MYT1L: variants seen among roughly 807,000 people sequenced by gnomAD.
MYT1L encodes myelin transcription factor 1 like, also known as myelin transcription factor 1-like protein.
MYT1L carries 12 observed loss-of-function variants against 126.7 expected under a neutral mutation model. The ratio of observed to expected loss-of-function variants is 0.09; its 90% CI spans 0.06 to 0.15. MYT1L has a LOEUF of 0.15. Among genes scored for constraint, MYT1L ranks in the 10% least tolerant of loss-of-function variants. The pLI, the probability that MYT1L is intolerant of heterozygous loss-of-function variation, is 1.00. For missense variants in MYT1L, 979 were observed against 1,585.2 expected (o/e 0.62, Z 6.49); for synonymous variants, 541 against 604.2 (o/e 0.90, Z 1.53).
At chr2:2,038,652 T>C (rs1439689573) in intron 4 of MYT1L, among the ~76,000 whole-genome samples, 1 of 151,866 alleles carries the variant, frequency 6.6e-6, no homozygotes, top group Non-Finnish European at 1.5e-5. Flanking sequence ...TAATGTGACG[T>C]TGCTTGTTTG....
At chr2:2,152,004 C>T (rs1297861937) in intron 3 of MYT1L, among the ~76,000 whole-genome samples, 2 of 152,156 alleles carry the variant, frequency 1.3e-5, no homozygotes, top group South Asian at 2.1e-4. Context: ...TGCAGTGAGC[C>T]GAGATCGCGC....
chr2:1,799,985 A>G (rs113479760), intron 23 of MYT1L, among the ~76,000 whole-genome samples: 55 of 152,106 alleles, frequency 3.6e-4, no homozygotes, highest in African/African-American at 1.3e-3. Flanking sequence ...ATGATTGTAA[A>G]TTTCCTGAGG....
chr2:1,924,239 G>C (rs1453813310), intron 9 of MYT1L, among the ~76,000 whole-genome samples: 1 of 152,258 alleles, frequency 6.6e-6, no homozygotes, highest in Non-Finnish European at 1.5e-5. Context: ...AACATATTCT[G>C]TTTCACACTC....
At chr2:2,025,966 A>G (rs1371216232) in intron 4 of MYT1L, among the ~76,000 whole-genome samples, 1 of 152,210 alleles carries the variant, frequency 6.6e-6, no homozygotes. Context: ...ATAGAAAACC[A>G]AACATCCAGT....
At chr2:2,122,295 G>A (rs887727827) in intron 3 of MYT1L, among the ~76,000 whole-genome samples, 10 of 152,144 alleles carry the variant, frequency 6.6e-5, no homozygotes, top group Non-Finnish European at 1.3e-4. Flanking sequence ...CATCTGTCAT[G>A]GGAACACTGC....
At chr2:2,311,602 G>T (rs2095971800) in intron 1 of MYT1L, among the ~76,000 whole-genome samples, 1 of 152,174 alleles carries the variant, frequency 6.6e-6, no homozygotes. Context: ...GCCTCCGTGT[G>T]AACAGGAGTG....
chr2:1,953,817 C>T (rs1240779402), intron 8 of MYT1L, among the ~76,000 whole-genome samples: 2 of 152,182 alleles, frequency 1.3e-5, no homozygotes, highest in Admixed American at 6.5e-5. Flanking sequence ...CAGAACTCAC[C>T]ACCCTTGCCA....
chr2:2,185,841 G>C (rs867565459), intron 2 of MYT1L, among the ~76,000 whole-genome samples: 11,398 of 96,134 alleles, frequency 0.12, 970 homozygotes, highest in African/African-American at 0.22. Flanking sequence ...TTCTGTGAGG[G>C]GGACGCAGCC....
At chr2:1,939,926 G>A (rs1316868094) in intron 9 of MYT1L, among the ~76,000 whole-genome samples, 1 of 152,250 alleles carries the variant, frequency 6.6e-6, no homozygotes, top group Non-Finnish European at 1.5e-5. Flanking sequence ...CCTCTCAGGT[G>A]ATTATGTCTT....
At chr2:2,106,893 G>T (rs72767381) in intron 3 of MYT1L, among the ~76,000 whole-genome samples, 6,542 of 152,264 alleles carry the variant, frequency 0.043, 214 homozygotes, top group Non-Finnish European at 0.066. Context: ...GTCTACTAAT[G>T]TCTGGAGACA....
chr2:2,278,892 G>A (rs904805150), intron 2 of MYT1L, among the ~76,000 whole-genome samples: 1 of 152,036 alleles, frequency 6.6e-6, no homozygotes, highest in Non-Finnish European at 1.5e-5. Flanking sequence ...CACAACACAG[G>A]AACTTACCAA....
chr2:1,801,654 G>C lies in MYT1L; in HGVS notation c.3276+42C>G, dbSNP rs1189677809. 8.2e-7 allele frequency: 1 copy of C among 1,213,742 alleles called. No individual in the cohort carries two copies. Among genetic ancestry groups the C allele is most frequent in the Non-Finnish European group, 1.2e-6 (1 of 827,070 alleles). 75.2% of individuals were successfully genotyped at this position (1,213,742 alleles called of 1,614,324 possible). On this transcript the variant is annotated intron_variant, in intron 23 of 24. Transcript: ENST00000647738. This position sits in a 1 kb window ranked among gnomAD's most constrained non-coding sequence, Gnocchi z 4.2. ...CATGCCATGTATCTCTGGTATAATG[G>C]CGCGTGTTAGAGCTAAAATTGAGGG...
intron 4 of MYT1L, among the ~76,000 whole-genome samples, chr2:2,045,761 A>G (rs1316701405): frequency 6.6e-6 from 1 of 152,162 alleles, no homozygotes; most frequent in Admixed American, 6.5e-5. Context: ...CTGGTGGAAG[A>G]TTCTTTCCAC....
At chr2:2,270,936 T>C (rs1366553193) in intron 2 of MYT1L, among the ~76,000 whole-genome samples, 1 of 152,162 alleles carries the variant, frequency 6.6e-6, no homozygotes, top group Non-Finnish European at 1.5e-5. Context: ...CTGGTCATGT[T>C]GTCGAGTTTA....
At chr2:1,849,209 T>C (rs1181558769) in intron 19 of MYT1L, among the ~76,000 whole-genome samples, 1 of 150,074 alleles carries the variant, frequency 6.7e-6, no homozygotes, top group East Asian at 1.9e-4. Flanking sequence ...GACCAGGAAG[T>C]GTTCACCTTA....
At chr2:2,158,788 A>G (rs546318128) in intron 3 of MYT1L, among the ~76,000 whole-genome samples, 1 of 152,110 alleles carries the variant, frequency 6.6e-6, no homozygotes, top group Non-Finnish European at 1.5e-5. Flanking sequence ...GCAGAAAGCA[A>G]TGGTCTATGA....
intron 8 of MYT1L, among the ~76,000 whole-genome samples, chr2:1,967,486 T>G (rs1306721824): frequency 2.0e-5 from 3 of 152,236 alleles, no homozygotes; most frequent in Non-Finnish European, 4.4e-5. Context: ...GAATCTCCTT[T>G]GCTGCGCCTT....
rs532488695 is a variant in MYT1L, at chr2:1,850,163, T to C, written c.2774+1478A>G. Reference sequence around the variant, plus strand: ...TCCTTCCCTTTCCTTCCCCTTCCCTTCCCTTCCCCTCCCCCTCCCCCTTCC... The same window carrying C: ...TCCTTCCCTTTCCTTCCCCTTCCCTCCCCTTCCCCTCCCCCTCCCCCTTCC... On this transcript the variant is annotated intron_variant, in intron 19 of 24. Transcript: ENST00000647738. Among the ~76,000 whole-genome samples the C allele has an allele frequency of 1.5e-4, 19 of 124,914 alleles. 1 individual carries two copies. In the South Asian group the frequency reaches 5.2e-3, roughly 34 times the overall value. 81.9% of individuals were successfully genotyped at this position (124,914 alleles called of 152,430 possible).
chr2:1,996,846 G>T (rs56144804), intron 5 of MYT1L, among the ~76,000 whole-genome samples: 3 of 142,916 alleles, frequency 2.1e-5, no homozygotes, highest in African/African-American at 7.9e-5. Flanking sequence ...TAGACGGGCC[G>T]CCTTTACCTA....
Sources: allele counts gnomAD v4.1 joint callset (sites outside exome capture counted in the v4.1 genomes callset), GRCh38; gene constraint gnomAD v4.1.1; non-coding constraint Gnocchi (gnomAD v3.1); transcripts MANE v1.5; gene names NCBI Gene and HGNC (gene_info 2026-07-23, HGNC 2026-07-21).